The following WWOX variants were observed in gnomAD, a reference collection of about 807,000 sequenced individuals.
WWOX encodes the protein WW domain-containing oxidoreductase.
A neutral mutation model predicts 46.2 loss-of-function variants in WWOX; 69 were observed. That is an observed-to-expected ratio of 1.49 (90% CI 1.23 to 1.82). WWOX has a LOEUF of 1.82. WWOX is among the 40% of genes most tolerant of loss of function. WWOX has a pLI of 0.00. For missense variants in WWOX, 919 were observed against 542.6 expected, an observed-to-expected ratio of 1.69 and a Z score of -6.89; for synonymous variants, 359 against 202.6, an observed-to-expected ratio of 1.77 and a Z score of -6.56.
chr16:78,561,805 C>A (rs894323953), intron 8 of WWOX, among the ~76,000 whole-genome samples: 3 of 152,170 alleles, frequency 2.0e-5, no homozygotes, highest in South Asian at 2.1e-4. Flanking sequence ...GAGAAGAACG[C>A]AGGGTTCCTT....
chr16:78,595,039 C>T (rs543233675), intron 8 of WWOX, among the ~76,000 whole-genome samples: 1 of 152,294 alleles, frequency 6.6e-6, no homozygotes, highest in South Asian at 2.1e-4. Context: ...TTTGGGAAAG[C>T]ACTTTGTCAA....
At chr16:78,525,113 G>C (rs1385291580) in intron 8 of WWOX, 1 of 150,624 alleles carries the variant, frequency 6.6e-6, no homozygotes, top group African/African-American at 2.4e-5. Flanking sequence ...CGGTCCTCCT[G>C]CCTTGGTCTC....
At chr16:78,340,435 C>A (rs2080992336) in intron 5 of WWOX, among the ~76,000 whole-genome samples, 1 of 120,532 alleles carries the variant, frequency 8.3e-6, no homozygotes, top group South Asian at 2.5e-4. Flanking sequence ...TCATGAACTC[C>A]TGACCTCAGG....
chr16:79,024,852 G>A (rs574451279), intron 8 of WWOX, among the ~76,000 whole-genome samples: 1 of 152,200 alleles, frequency 6.6e-6, no homozygotes, highest in Non-Finnish European at 1.5e-5. Flanking sequence ...TTACAGGCGT[G>A]AGCCACCACA....
intron 8 of WWOX, among the ~76,000 whole-genome samples, chr16:78,861,488 C>G (rs1022648669): frequency 6.6e-6 from 1 of 152,164 alleles, no homozygotes; most frequent in Non-Finnish European, 1.5e-5. Context: ...TCTCTCTCCA[C>G]CCACTTCCCC....
At chr16:79,111,163 G>C (rs2049409071) in intron 8 of WWOX, among the ~76,000 whole-genome samples, 1 of 152,190 alleles carries the variant, frequency 6.6e-6, no homozygotes, top group Non-Finnish European at 1.5e-5. Flanking sequence ...ATTCCACAAA[G>C]TTAGAGGGGA....
intron 8 of WWOX, among the ~76,000 whole-genome samples, chr16:78,701,658 G>T (rs1044873693): frequency 1.3e-5 from 2 of 151,934 alleles, no homozygotes; most frequent in African/African-American, 4.8e-5. Context: ...GGAGAGCTTG[G>T]AAACCAAGAG....
chr16:78,460,092 C>T (rs550160579), intron 8 of WWOX, among the ~76,000 whole-genome samples: 3 of 151,972 alleles, frequency 2.0e-5, no homozygotes, highest in Non-Finnish European at 2.9e-5. Flanking sequence ...CAGGCATGAG[C>T]CACTGTACCT....
chr16:78,481,433 A>G (rs1239128979), intron 8 of WWOX, among the ~76,000 whole-genome samples: 3 of 152,128 alleles, frequency 2.0e-5, no homozygotes, highest in Admixed American at 6.6e-5. Flanking sequence ...ATAAATGGGG[A>G]AAAAAGTCAT....
rs888119936 is a variant in WWOX, at chr16:78,547,325, C to T, written c.1056+114573C>T. ...CTAGAGGGGGCACTATTAGTATCCCCAATTTACAGATGAAAAAAATGAGGG... is the reference window on the plus strand; with the variant it reads ...CTAGAGGGGGCACTATTAGTATCCCTAATTTACAGATGAAAAAAATGAGGG... On this transcript the variant is annotated intron_variant, in intron 8 of 8. Transcript: ENST00000566780. 7.9e-5 allele frequency among the ~76,000 whole-genome samples: 12 copies of T among 151,944 alleles called. No homozygotes were observed. The South Asian group carries it at 2.5e-3, about 32-fold the overall frequency.
chr16:78,942,839 C>T (rs926313814), intron 8 of WWOX, among the ~76,000 whole-genome samples: 1 of 152,306 alleles, frequency 6.6e-6, no homozygotes, highest in South Asian at 2.1e-4. Context: ...AATTCCAAAT[C>T]CCGTGGCTCA....
At chr16:78,220,345 A>G (rs375253165) in intron 5 of WWOX, among the ~76,000 whole-genome samples, 27 of 152,190 alleles carry the variant, frequency 1.8e-4, no homozygotes, top group African/African-American at 6.0e-4. Context: ...TCAAAACCTT[A>G]TTTTTCCGAG....
chr16:78,331,167 C>A (rs543115624), intron 5 of WWOX, among the ~76,000 whole-genome samples: 1 of 152,114 alleles, frequency 6.6e-6, no homozygotes, highest in African/African-American at 2.4e-5. Context: ...TAATTTGGAA[C>A]GGCTTTTTGT....
chr16:78,109,794 G>C lies in WWOX; in HGVS notation c.189G>C (p.Trp63Cys), dbSNP rs1265607632. 1.2e-6 allele frequency: 2 copies of C among 1,614,058 alleles called. No individual in the cohort carries two copies. The highest frequency in any genetic ancestry group is 1.7e-6 in the Non-Finnish European group (2 of 1,180,014). Residue 63 changes from tryptophan (W) to cysteine (C), a missense_variant, in exon 3 of 9, where the codon TGG becomes TGC. Coordinates refer to ENST00000566780, the MANE Select transcript of WWOX (RefSeq NM_016373.4). ...KRVAGDLPYG[W>C]EQETDENGQV... ...GTGTTTCAGATTTGCCATACGGATGGGAACAAGAAACTGATGAGAACGGAC... is the reference window on the plus strand; with the variant it reads ...GTGTTTCAGATTTGCCATACGGATGCGAACAAGAAACTGATGAGAACGGAC...
chr16:78,937,276 C>T (rs1044533865), intron 8 of WWOX, among the ~76,000 whole-genome samples: 1 of 152,074 alleles, frequency 6.6e-6, no homozygotes, highest in African/African-American at 2.4e-5. Context: ...ATACAAGCAA[C>T]TGTTTACCCT....
chr16:78,717,463 C>A (rs758506832), intron 8 of WWOX, among the ~76,000 whole-genome samples: 1 of 152,142 alleles, frequency 6.6e-6, no homozygotes, highest in East Asian at 1.9e-4. Flanking sequence ...AACAGTGGTG[C>A]TTGGCTTTTG....
chr16:78,982,182 A>T lies in WWOX; in HGVS notation c.1057-229426A>T, dbSNP rs369438220. ...AAAATAAAAAGAAACGACCCCAAAC[A>T]GCCTCTTTCGTGCACACACGCCTAA... On this transcript the variant is annotated intron_variant, in intron 8 of 8. Coordinates refer to ENST00000566780, the MANE Select transcript of WWOX (RefSeq NM_016373.4). Among the ~76,000 whole-genome samples, 23 of 152,342 alleles carry T rather than the reference A, an allele frequency of 1.5e-4. No homozygotes were observed. The South Asian group carries it at 4.8e-3, about 32-fold the overall frequency.
At chr16:78,703,822 G>A (rs1226670897) in intron 8 of WWOX, among the ~76,000 whole-genome samples, 1 of 152,054 alleles carries the variant, frequency 6.6e-6, no homozygotes, top group Admixed American at 6.6e-5. Flanking sequence ...TGCTGGTACT[G>A]CTGTGGGCAC....
intron 4 of WWOX, among the ~76,000 whole-genome samples, chr16:78,121,690 A>G (rs989725580): frequency 6.6e-6 from 1 of 150,574 alleles, no homozygotes; most frequent in South Asian, 2.1e-4. Context: ...GAGTCAGAGT[A>G]TTACTCTGTT....
Sources: allele counts gnomAD v4.1 joint callset (sites outside exome capture counted in the v4.1 genomes callset), GRCh38; gene constraint gnomAD v4.1.1; transcripts MANE v1.5; gene names NCBI Gene and HGNC (gene_info 2026-07-23, HGNC 2026-07-21).